The following DISP3 variants were observed in gnomAD, a reference collection of about 807,000 sequenced individuals.
DISP3 encodes dispatched RND transporter family member 3.
In DISP3, 101 loss-of-function variants were observed where a neutral mutation model predicts 135.3. The ratio of observed to expected loss-of-function variants is 0.75; its 90% confidence interval spans 0.64 to 0.88. The LOEUF (loss-of-function observed/expected upper bound fraction) is 0.88, where lower values mean the gene tolerates loss of function less well. DISP3 is among the 40% of genes least tolerant of loss of function. DISP3 has a pLI of 0.00. For missense variants in DISP3, 1,713 were observed against 1,878.6 expected (o/e 0.91, Z 1.63); for synonymous variants, 856 against 817.0 (o/e 1.05, Z -0.81).
At chr1:11,505,622 T>C (rs971077974) in intron 3 of DISP3, among the ~76,000 whole-genome samples, 5 of 152,262 alleles carry the variant, frequency 3.3e-5, no homozygotes, top group Non-Finnish European at 7.3e-5. Context: ...ACCCAAGAGA[T>C]GGCAACATGT....
At position 11,479,211 on chromosome 1, in the gene DISP3, G is replaced by T; in HGVS notation, c.-165G>T. 1 of 160,336 alleles carries T rather than the reference G, an allele frequency of 6.2e-6. No individual in the cohort carries two copies. 9.9% of individuals were successfully genotyped at this position (160,336 alleles called of 1,614,324 possible). A position where few individuals can be genotyped will look rare whatever the true frequency, so the allele number is the denominator to read the frequency against. On this transcript the variant is annotated 5_prime_UTR_variant, in exon 1 of 21. Coordinates refer to ENST00000294484, the MANE Select transcript of DISP3 (RefSeq NM_020780.2). ...CAGCTTCCCGCGGTCTGCTTGCCCT[G>T]GAGCGGAGGGGGAGCCCCAGCCTCC...
chr1:11,503,277 A>T (rs1489553597), intron 3 of DISP3, among the ~76,000 whole-genome samples: 1 of 152,228 alleles, frequency 6.6e-6, no homozygotes, highest in Non-Finnish European at 1.5e-5. Flanking sequence ...AGTAGGATAG[A>T]TAGAGAGAGG....
chr1:11,501,522 C>T lies in DISP3; in HGVS notation c.530C>T (p.Ala177Val). Residue 177 changes from alanine (A) to valine (V), a missense_variant, in exon 2 of 21, where the codon GCG becomes GTG. Around this residue, in one of 2 missense-constraint regions of DISP3, gnomAD observed 571 missense variants for 494.1 expected, o/e 1.16. Transcript: ENST00000294484. The surrounding 1 kb of genome is among the most constrained non-coding windows in gnomAD (Gnocchi z 4.9). ...TCCCGAGCCCCCCGCGTCATCCCCG[C>T]GGCCTCACTCGGTGGCCCAGGCCCT... The part of the protein sequence containing the change: ...QASRAPRVIP[A>V]ASLGGPGPYR... The T allele has an allele frequency of 6.2e-7, 1 of 1,601,558 alleles. No individual in the cohort carries two copies. Among genetic ancestry groups the T allele is most frequent in the Non-Finnish European group, 8.5e-7 (1 of 1,173,948 alleles).
rs889977607 is a variant in DISP3, at chr1:11,536,025, C to T, written c.3817-299C>T. ...ATGTTCACATACTCAGTGCCAAAAC[C>T]GGCTCTGGGCCTAGTAACGATTTTT... On this transcript the variant is annotated intron_variant, in intron 20 of 20. Coordinates refer to ENST00000294484, the MANE Select transcript of DISP3 (RefSeq NM_020780.2). This position sits in a 1 kb window ranked among gnomAD's most constrained non-coding sequence, Gnocchi z 4.3. Among the ~76,000 whole-genome samples the T allele has an allele frequency of 4.6e-5, 7 of 152,208 alleles. No homozygotes were observed. Among genetic ancestry groups the T allele is most frequent in the African/African-American group, 1.2e-4 (5 of 41,454 alleles).
Position 11,516,110 on chromosome 1 carries a change from C to T in DISP3, c.1698C>T (p.Phe566=), listed in dbSNP as rs576463466. Residue 566 remains phenylalanine (F), a synonymous_variant, in exon 6 of 21, where the codon TTC becomes TTT. Coordinates refer to ENST00000294484, the MANE Select transcript of DISP3 (RefSeq NM_020780.2). The surrounding 1 kb of genome is among the most constrained non-coding windows in gnomAD (Gnocchi z 5.1). ...HTVQTAGKAT[F]FTSLTTAAAY... is the part of the protein sequence containing the mutation. ...TCCAAACTGCAGGCAAGGCCACCTT[C>T]TTCACCTCCCTGACCACAGCCGCCG... 102 of 1,614,206 alleles carry T rather than the reference C, an allele frequency of 6.3e-5. No individual in the cohort carries two copies. The South Asian group carries it at 1.0e-3, about 16-fold the overall frequency.
rs1642252517 is a variant in DISP3, at chr1:11,522,682, GAGCCCAGCCA to G, written c.2363-1259_2363-1250del. On this transcript the variant is annotated intron_variant, in intron 10 of 20. Transcript: ENST00000294484. ...CCAGAGCCCAGCCAGGACCCAGCCA[GAGCCCAGCCA>G]GGGCCCAGCCAGGACCCAGCCAGGG... Among the ~76,000 whole-genome samples, 79 of 132,428 alleles carry G rather than the reference GAGCCCAGCCA, an allele frequency of 6.0e-4. 2 individuals carry two copies. The highest frequency in any genetic ancestry group is 1.1e-3 in the Non-Finnish European group (66 of 61,394). 86.9% of individuals were successfully genotyped at this position (132,428 alleles called of 152,430 possible). A position where few individuals can be genotyped will look rare whatever the true frequency, so the allele number is the denominator to read the frequency against.
intron 1 of DISP3, among the ~76,000 whole-genome samples, chr1:11,486,803 G>C (rs1641048400): frequency 6.6e-6 from 1 of 152,072 alleles, no homozygotes; most frequent in Non-Finnish European, 1.5e-5. Context: ...TCAGCCTCCT[G>C]AGTAATTGGG....
At chr1:11,518,866 G>A (rs1473627989) in intron 7 of DISP3, among the ~76,000 whole-genome samples, 4 of 152,134 alleles carry the variant, frequency 2.6e-5, no homozygotes, top group African/African-American at 7.2e-5. Flanking sequence ...CACACACAGC[G>A]CTCGTATCAG....
At chr1:11,485,805 C>T (rs10779756) in intron 1 of DISP3, among the ~76,000 whole-genome samples, 71,354 of 152,012 alleles carry the variant, frequency 0.47, 18,144 homozygotes, top group East Asian at 0.77. Context: ...ACTGTTATCT[C>T]CATGTTAAGG....
At chr1:11,482,511 G>A (rs1640928659) in intron 1 of DISP3, among the ~76,000 whole-genome samples, 1 of 152,132 alleles carries the variant, frequency 6.6e-6, no homozygotes, top group African/African-American at 2.4e-5. Flanking sequence ...GTGTCCCTAA[G>A]GGCCATCAGT....
intron 17 of DISP3, among the ~76,000 whole-genome samples, chr1:11,532,702 T>G (rs551633124): frequency 6.6e-6 from 1 of 152,222 alleles, no homozygotes; most frequent in South Asian, 2.1e-4. Context: ...CCGGTTTTTT[T>G]GTTTGTTTGT....
In DISP3 at chr1:11,534,422, C is replaced by T; in HGVS notation, c.3417C>T (p.Asp1139=). ...AATCCTCCTTCCAGACCTACTCGGA[C>T]TACCTGCGCTGGGAGAGCTTCCTCC... ...KGKSSFQTYS[D]YLRWESFLQQ... The change falls in exon 18 of 21, where the codon GAC becomes GAT. Residue 1139 remains aspartate, a synonymous_variant. Coordinates refer to ENST00000294484, the MANE Select transcript of DISP3 (RefSeq NM_020780.2). The T allele has an allele frequency of 1.2e-6, 2 of 1,614,254 alleles. No homozygotes were observed. Among genetic ancestry groups the T allele is most frequent in the Non-Finnish European group, 1.7e-6 (2 of 1,180,044 alleles).
At chr1:11,480,468 G>T (rs1390496711) in intron 1 of DISP3, among the ~76,000 whole-genome samples, 2 of 152,096 alleles carry the variant, frequency 1.3e-5, no homozygotes, top group Non-Finnish European at 2.9e-5. Flanking sequence ...TCACACGCAC[G>T]TGGGCGGACA....
Position 11,516,134 on chromosome 1 carries a change from C to T in DISP3, c.1722C>T (p.Ala574=), listed in dbSNP as rs372251607. Residue 574 remains alanine (A), a synonymous_variant, in exon 6 of 21, where the codon GCC becomes GCT. Transcript: ENST00000294484. The surrounding 1 kb of genome is among the most constrained non-coding windows in gnomAD (Gnocchi z 5.1). ...ATFFTSLTTA[A]AYAANVFSQI... is the part of the protein sequence containing the mutation. ...TCTTCACCTCCCTGACCACAGCCGC[C>T]GCCTACGCAGCTAACGTCTTCTCCC... 2.2e-5 allele frequency: 35 copies of T among 1,614,116 alleles called. No individual in the cohort carries two copies. The highest frequency in any genetic ancestry group is 3.3e-5 in the Admixed American group (2 of 60,018).
At chr1:11,482,253 G>A (rs1640923580) in intron 1 of DISP3, among the ~76,000 whole-genome samples, 2 of 152,184 alleles carry the variant, frequency 1.3e-5, no homozygotes, top group Admixed American at 1.3e-4. Flanking sequence ...CACAGAGAAG[G>A]GAACAGCTGA....
Position 11,535,058 on chromosome 1 carries a change from G to A in DISP3, c.3583G>A (p.Val1195Met), listed in dbSNP as rs754898250. Residue 1195 changes from valine (V) to methionine (M), a missense_variant, in exon 19 of 21, where the codon GTG becomes ATG. Transcript: ENST00000294484. ...CCTGGTGCTATCCCTGCTCATCTGC[G>A]TGGCCGCGGTGGCCGTGTTCACCAC... Reference protein sequence around the residue: ...CGLVLSLLICVAAVAVFTTHI... With the variant: ...CGLVLSLLICMAAVAVFTTHI... 8.7e-6 allele frequency: 14 copies of A among 1,606,398 alleles called. No homozygotes were observed. Among genetic ancestry groups the A allele is most frequent in the Middle Eastern group, 1.6e-4 (1 of 6,072 alleles).
chr1:11,524,451 A>G (rs1300068358), intron 11 of DISP3, among the ~76,000 whole-genome samples: 1 of 151,944 alleles, frequency 6.6e-6, no homozygotes, highest in African/African-American at 2.4e-5. Flanking sequence ...CTGTCACCCT[A>G]TGGCACTGTT....
rs1170539631 is a variant in DISP3 at position 11,535,108 on chromosome 1, GCTC to G, written c.3637_3639del (p.Leu1213del). On this transcript the variant is annotated inframe_deletion, in exon 19 of 21. Transcript: ENST00000294484. ...CCCACATCCTGCTCCTGCTGCCCGT[GCTC>G]CTCAGCATCTTGGGTACGTGGGCGA... The G allele has an allele frequency of 6.2e-7, 1 of 1,607,132 alleles. No homozygotes were observed. Among genetic ancestry groups the G allele is most frequent in the African/African-American group, 1.3e-5 (1 of 74,984 alleles).
At chr1:11,517,708 CT>C in intron 7 of DISP3, 106 bp downstream of exon 7, 3 of 1,392,988 alleles carry the variant, frequency 2.2e-6, no homozygotes, top group East Asian at 2.4e-5. Flanking sequence ...ATGACCAGTC[CT>C]TTGCTAGGCA....
Sources: gnomAD v4.1 joint callset for allele counts (sites outside exome capture counted in the v4.1 genomes callset) on GRCh38, gnomAD v4.1.1 for gene constraint, gnomAD v4.1.1 regional missense constraint, Gnocchi (gnomAD v3.1) non-coding constraint, MANE v1.5 for transcripts, NCBI Gene and HGNC (gene_info 2026-07-23, HGNC 2026-07-21) for gene names.